CD164: variants seen among roughly 807,000 people sequenced by gnomAD.
CD164 encodes CD164 molecule.
Under a neutral mutation model 24.6 loss-of-function variants are expected in CD164, and 11 were observed. The observed-to-expected ratio is 0.45, with a 90% CI of 0.28 to 0.74. The LOEUF (loss-of-function observed/expected upper bound fraction) is 0.74, where lower values mean the gene tolerates loss of function less well. Ranked by LOEUF, CD164 falls within the 30% of genes least tolerant of loss-of-function variation. The probability of loss-of-function intolerance (pLI) is 0.13; values close to 1 mark genes in which losing one functional copy is unlikely to be tolerated. For missense variants in CD164, 295 were observed against 243.7 expected (o/e 1.21, Z -1.40); for synonymous variants, 126 against 100.3 (o/e 1.26, Z -1.53).
intron 3 of CD164, among the ~76,000 whole-genome samples, chr6:109,376,693 G>A (rs987417475): frequency 6.6e-6 from 1 of 152,180 alleles, no homozygotes; most frequent in African/African-American, 2.4e-5. Context: ...CATCAAATAT[G>A]CAGCAGTACA....
At chr6:109,373,254 G>A (rs1231112219) in intron 4 of CD164, among the ~76,000 whole-genome samples, 2 of 152,138 alleles carry the variant, frequency 1.3e-5, no homozygotes, top group African/African-American at 4.8e-5. Flanking sequence ...ATTTTCCACT[G>A]TATCTGACAT....
chr6:109,368,937 T>G lies in CD164; in HGVS notation c.508A>C (p.Ile170Leu). 1 of 1,613,940 alleles carries G rather than the reference T, an allele frequency of 6.2e-7. No homozygotes were observed. The highest frequency in any genetic ancestry group is 1.3e-5 in the African/African-American group (1 of 75,048). Reference sequence around the variant, plus strand: ...GCCTGCACACCCAAGACCAGGACAATTCCTCCAATGAAACTGGCTGCATCA... The same window carrying G: ...GCCTGCACACCCAAGACCAGGACAAGTCCTCCAATGAAACTGGCTGCATCA... The part of the protein sequence containing the change: ...TFDAASFIGG[I>L]VLVLGVQAVI... The change falls in exon 6 of 6, where the codon ATT becomes CTT. Residue 170 changes from isoleucine to leucine, a missense_variant. By Grantham distance (5) the Ile-to-Leu change is conservative. Transcript: ENST00000310786.
At chr6:109,377,299 C>A (rs1223368217) in intron 3 of CD164, among the ~76,000 whole-genome samples, 1 of 152,158 alleles carries the variant, frequency 6.6e-6, no homozygotes, top group Non-Finnish European at 1.5e-5. Context: ...ACACACTGCA[C>A]AAAAATCTTT....
At chr6:109,375,617 CAAAAA>C (rs58138405) in intron 4 of CD164, among the ~76,000 whole-genome samples, 1 of 71,388 alleles carries the variant, frequency 1.4e-5, no homozygotes, top group South Asian at 5.5e-4. Flanking sequence ...ACTTCGCTTC[CAAAAA>C]AAAAAAAAGA....
At chr6:109,375,617 C>CAAAAAAAAAAAAAAAAAA (rs58138405) in intron 4 of CD164, among the ~76,000 whole-genome samples, 21 of 71,350 alleles carry the variant, frequency 2.9e-4, no homozygotes, top group Non-Finnish European at 3.9e-4. Context: ...ACTTCGCTTC[C>CAAAAAAAAAAAAAAAAAA]AAAAAAAAAA....
intron 1 of CD164, 79 bp downstream of exon 1, chr6:109,382,125 G>A: frequency 2.4e-6 from 3 of 1,262,816 alleles, no homozygotes; most frequent in Non-Finnish European, 3.0e-6. Context: ...CCCGAACCCG[G>A]GCCCCGCCCG....
At position 109,367,524 on chromosome 6, in the gene CD164, A is replaced by C. The variant is rs1290878832; in HGVS notation, c.*1327T>G. On this transcript the variant is annotated 3_prime_UTR_variant, in exon 6 of 6. Transcript: ENST00000310786. ...AGGGAGAAGTAAACCTCTAAAACTG[A>C]AGACGACCCTCTAAAGGAGAAAACT... 1.3e-5 allele frequency: 2 copies of C among 152,524 alleles called. No individual in the cohort carries two copies. The highest frequency in any genetic ancestry group is 2.9e-5 in the Non-Finnish European group (2 of 68,008). 9.4% of individuals were successfully genotyped at this position (152,524 alleles called of 1,614,324 possible). A position where few individuals can be genotyped will look rare whatever the true frequency, so the allele number is the denominator to read the frequency against.
rs1463519123 is a variant in CD164 at position 109,366,948 on chromosome 6, T to C, written c.*1903A>G. 1 of 152,236 alleles carries C rather than the reference T, an allele frequency of 6.6e-6. No homozygotes were observed. The highest frequency in any genetic ancestry group is 1.5e-5 in the Non-Finnish European group (1 of 68,024). 9.4% of individuals were successfully genotyped at this position (152,236 alleles called of 1,614,324 possible). A position where few individuals can be genotyped will look rare whatever the true frequency, so the allele number is the denominator to read the frequency against. ...AATTTGCTACATATGTTGACATGAA[T>C]GTGTGTCAGGGAATTCATACCCAGG... On this transcript the variant is annotated 3_prime_UTR_variant, in exon 6 of 6. Transcript: ENST00000310786.
chr6:109,381,303 G>C (rs1359848359), intron 1 of CD164, among the ~76,000 whole-genome samples: 1 of 152,116 alleles, frequency 6.6e-6, no homozygotes, highest in Non-Finnish European at 1.5e-5. Flanking sequence ...CATAACAAAA[G>C]ACACGCTCCT....
chr6:109,377,514 C>T (rs1290560559), intron 3 of CD164, among the ~76,000 whole-genome samples: 1 of 152,028 alleles, frequency 6.6e-6, no homozygotes, highest in Non-Finnish European at 1.5e-5. Flanking sequence ...ACAGCACCAA[C>T]TATGCTGCAG....
rs1218541102 is a variant in CD164, at chr6:109,382,422, A to G, written c.-44T>C. On this transcript the variant is annotated 5_prime_UTR_variant, in exon 1 of 6. Coordinates refer to ENST00000310786, the MANE Select transcript of CD164 (RefSeq NM_006016.6). ...GTTCGGGAGAAAGCTAAGGCTCGCA[A>G]CGCTCAGTCAACCCCTCAATCCCCT... 6.8e-7 allele frequency: 1 copy of G among 1,463,292 alleles called. No homozygotes were observed. The highest frequency in any genetic ancestry group is 2.2e-5 in the Admixed American group (1 of 45,292). 90.6% of individuals were successfully genotyped at this position (1,463,292 alleles called of 1,614,324 possible).
rs749077551 is a variant in CD164, at chr6:109,382,324, A to C, written c.55T>G (p.Cys19Gly). 2 of 1,574,846 alleles carry C rather than the reference A, an allele frequency of 1.3e-6. No homozygotes were observed. Among genetic ancestry groups the C allele is most frequent in the South Asian group, 2.3e-5 (2 of 86,052 alleles). ...LWAATCLGVL[C>G]VLSADKNTTQ... Reference sequence around the variant, plus strand: ...GTGTTCTTGTCCGCGGACAGCACGCAGAGCACGCCCAGGCAGGTGGCGGCC... The same window carrying C: ...GTGTTCTTGTCCGCGGACAGCACGCCGAGCACGCCCAGGCAGGTGGCGGCC... Residue 19 changes from cysteine (C) to glycine (G), a missense_variant, in exon 1 of 6, where the codon TGC becomes GGC. By Grantham distance (159) the Cys-to-Gly change is radical. Transcript: ENST00000310786.
At chr6:109,374,996 T>C (rs1408294932) in intron 4 of CD164, among the ~76,000 whole-genome samples, 4 of 152,244 alleles carry the variant, frequency 2.6e-5, no homozygotes, top group Admixed American at 6.5e-5. Flanking sequence ...TGTCTTGGAA[T>C]AGACGCATTT....
chr6:109,368,894 T>C lies in CD164; in HGVS notation c.551A>G (p.Tyr184Cys), dbSNP rs780996628. 1.2e-6 allele frequency: 2 copies of C among 1,613,256 alleles called. No homozygotes were observed. The highest frequency in any genetic ancestry group is 3.3e-5 in the Admixed American group (2 of 59,756). ...LGVQAVIFFL[Y>C]KFCKSKERNY... The stretch of plus-strand genomic sequence containing the variant: ...TCGTTCTTTAGATTTGCAGAATTTA[T>C]AAAGAAAGAAAATTACAGCCTGCAC... Residue 184 changes from tyrosine (Y) to cysteine (C), a missense_variant, in exon 6 of 6, where the codon TAT becomes TGT. Coordinates refer to ENST00000310786, the MANE Select transcript of CD164 (RefSeq NM_006016.6).
Position 109,376,117 on chromosome 6 carries a change from T to C in CD164, c.332-5A>G. On this transcript the variant is annotated splice_region_variant and splice_polypyrimidine_tract_variant and intron_variant, in intron 3 of 5. Transcript: ENST00000310786. ...GCACTGGAGTGGCCGTGGAAACTATTAAAAAAAGAAAAAAGAAAAACCATA... is the reference window on the plus strand; with the variant it reads ...GCACTGGAGTGGCCGTGGAAACTATCAAAAAAAGAAAAAAGAAAAACCATA... 2 of 1,561,620 alleles carry C rather than the reference T, an allele frequency of 1.3e-6. No homozygotes were observed. Among genetic ancestry groups the C allele is most frequent in the Middle Eastern group, 1.7e-4 (1 of 5,792 alleles).
intron 4 of CD164, among the ~76,000 whole-genome samples, chr6:109,373,189 A>G (rs1333522554): frequency 6.6e-6 from 1 of 152,224 alleles, no homozygotes; most frequent in Non-Finnish European, 1.5e-5. Context: ...ATATAACAAG[A>G]GCTAAAATTG....
At chr6:109,381,824 A>G (rs12208785) in intron 1 of CD164, 31,802 of 550,046 alleles carry the variant, frequency 0.058, 1,663 homozygotes, top group East Asian at 0.2. Context: ...CGCCAACCTC[A>G]GAGGCGCGAC....
intron 4 of CD164, among the ~76,000 whole-genome samples, chr6:109,375,578 C>A (rs1771346407): frequency 6.8e-6 from 1 of 146,748 alleles, no homozygotes; most frequent in Non-Finnish European, 1.5e-5. Context: ...GATCGTACCA[C>A]TGCACTCCAG....
At chr6:109,375,391 CG>C (rs1175761693) in intron 4 of CD164, among the ~76,000 whole-genome samples, 3 of 151,648 alleles carry the variant, frequency 2.0e-5, no homozygotes, top group African/African-American at 7.3e-5. Flanking sequence ...CTGAGGTAGG[CG>C]GATCACTTTA....
Sources: allele counts gnomAD v4.1 joint callset (sites outside exome capture counted in the v4.1 genomes callset), GRCh38; gene constraint gnomAD v4.1.1; transcripts MANE v1.5; gene names NCBI Gene and HGNC (gene_info 2026-07-23, HGNC 2026-07-21).